The following DCAF1 variants were observed in gnomAD, a reference collection of about 807,000 sequenced individuals.
DCAF1 encodes the protein DDB1 and CUL4 associated factor 1.
A neutral mutation model predicts 128.0 loss-of-function variants in DCAF1; 15 were observed. That is an observed-to-expected ratio of 0.12 (90% CI 0.08 to 0.18). DCAF1 has a LOEUF of 0.18. DCAF1 is among the 10% of genes least tolerant of loss of function. The pLI is 1.00. For synonymous variants in DCAF1, 610 were observed against 603.0 expected (o/e 1.01, Z -0.17); for missense variants, 988 against 1,649.5 (o/e 0.60, Z 6.95).
intron 13 of DCAF1, among the ~76,000 whole-genome samples, chr3:51,425,720 A>G (rs1310034791): frequency 6.6e-6 from 1 of 151,264 alleles, no homozygotes; most frequent in African/African-American, 2.4e-5. Flanking sequence ...GCGGCAACAC[A>G]CCAGGCTAAT....
chr3:51,412,333 T>C (rs1698505222), intron 23 of DCAF1, 46 bp downstream of exon 23: 1 of 1,611,466 alleles, frequency 6.2e-7, no homozygotes, highest in African/African-American at 1.3e-5. Flanking sequence ...GAGCATAACC[T>C]CTATTAAGCA....
At chr3:51,454,975 C>A (rs1553642498) in intron 6 of DCAF1, among the ~76,000 whole-genome samples, 2 of 152,044 alleles carry the variant, frequency 1.3e-5, no homozygotes. Flanking sequence ...GCCCGGCCTA[C>A]CCAGCCCCTA....
chr3:51,474,842 T>C (rs1705239324), intron 3 of DCAF1, among the ~76,000 whole-genome samples: 1 of 148,090 alleles, frequency 6.8e-6, no homozygotes, highest in Non-Finnish European at 1.5e-5. Context: ...TGGAGTACAG[T>C]GGCGCAATCT....
At chr3:51,410,109 T>C (rs782681269) in intron 23 of DCAF1, among the ~76,000 whole-genome samples, 12 of 152,220 alleles carry the variant, frequency 7.9e-5, no homozygotes, top group Non-Finnish European at 1.6e-4. Context: ...CTTTCTACAC[T>C]AGCAGATCCT....
Position 51,443,907 on chromosome 3 carries a change from T to G in DCAF1, c.376-4A>C. 6.3e-7 allele frequency: 1 copy of G among 1,586,790 alleles called. No homozygotes were observed. The highest frequency in any genetic ancestry group is 1.9e-5 in the Admixed American group (1 of 51,342). On this transcript the variant is annotated splice_polypyrimidine_tract_variant and splice_region_variant and intron_variant, in intron 6 of 24. Transcript: ENST00000684031. ...AAAGATTCTCGACAATTCCCTCCTA[T>G]AGTAAAGGAAATTAAATAGTACATT...
chr3:51,453,153 A>G (rs1407273685), intron 6 of DCAF1, among the ~76,000 whole-genome samples: 1 of 152,204 alleles, frequency 6.6e-6, no homozygotes, highest in Non-Finnish European at 1.5e-5. Context: ...CTAGTCTCAC[A>G]CGGGTTGCTA....
chr3:51,424,964 T>C (rs1288723846), intron 13 of DCAF1, among the ~76,000 whole-genome samples: 1 of 152,098 alleles, frequency 6.6e-6, no homozygotes, highest in Non-Finnish European at 1.5e-5. Context: ...GTTAAACTAT[T>C]CTCTGTGCCT....
At position 51,494,170 on chromosome 3, in the gene DCAF1, A is replaced by T. The variant is rs554558951; in HGVS notation, c.-9+2564T>A. 2.5e-4 allele frequency among the ~76,000 whole-genome samples: 35 copies of T among 142,106 alleles called. No homozygotes were observed. The South Asian group carries it at 7.2e-3, about 29-fold the overall frequency. The allele number at this position is 142,106 out of a possible 152,430, so 93.2% of individuals were successfully genotyped here. A position where few individuals can be genotyped will look rare whatever the true frequency, so the allele number is the denominator to read the frequency against. On this transcript the variant is annotated intron_variant, in intron 2 of 24. Transcript: ENST00000684031. ...CTCTGTCGCCCAGAGACTGGAGTGC[A>T]GTGGCAGGATCTCGGCTCACTGCAA...
At chr3:51,488,942 G>A (rs554695176) in intron 2 of DCAF1, among the ~76,000 whole-genome samples, 7 of 152,268 alleles carry the variant, frequency 4.6e-5, no homozygotes, top group African/African-American at 9.6e-5. Context: ...TCCAGTCTGC[G>A]CGACAGGGCG....
At chr3:51,437,266 C>CAAAAAAAAAAAAA (rs71633071) in intron 9 of DCAF1, 20 of 256,584 alleles carry the variant, frequency 7.8e-5, no homozygotes, top group South Asian at 1.5e-4. Context: ...GACTCCATGT[C>CAAAAAAAAAAAAA]AAAAAAAAAA....
chr3:51,440,179 T>C (rs781916185), intron 9 of DCAF1: 4 of 509,760 alleles, frequency 7.8e-6, no homozygotes, highest in Admixed American at 2.1e-5. Context: ...TCTGTAGAGA[T>C]AGTAAGCCTC....
chr3:51,443,747 A>T lies in DCAF1; in HGVS notation c.513+19T>A. 2 of 1,578,136 alleles carry T rather than the reference A, an allele frequency of 1.3e-6. No individual in the cohort carries two copies. Among genetic ancestry groups the T allele is most frequent in the Non-Finnish European group, 1.7e-6 (2 of 1,169,674 alleles). ...ACTCTCCCATTTTATATAAAAATTT[A>T]TTCTAACACAGTCCTTACCAGCTGT... On this transcript the variant is annotated intron_variant, in intron 7 of 24. Coordinates refer to ENST00000684031, the MANE Select transcript of DCAF1 (RefSeq NM_001387579.1).
At chr3:51,412,344 C>A (rs561718640) in intron 23 of DCAF1, 35 bp downstream of exon 23, 1 of 1,613,088 alleles carries the variant, frequency 6.2e-7, no homozygotes, top group South Asian at 1.1e-5. Flanking sequence ...CTATTAAGCA[C>A]TGTTCAGCAG....
At chr3:51,470,824 C>A in intron 4 of DCAF1, 105 bp downstream of exon 4, 1 of 701,740 alleles carries the variant, frequency 1.4e-6, no homozygotes, top group Non-Finnish European at 2.2e-6. Flanking sequence ...AAAATTTTCC[C>A]ATAAGCAATT....
In DCAF1 at chr3:51,436,647, T is replaced by A. The variant is rs140921437; in HGVS notation, c.1129-3383A>T. Among the ~76,000 whole-genome samples the A allele has an allele frequency of 2.4e-4, 36 of 152,338 alleles. No homozygotes were observed. In the East Asian group the frequency reaches 6.2e-3, roughly 26 times the overall value. Reference sequence around the variant, plus strand: ...ATAAAGGATCTGTGTAGTTTGAACGTATTTTAATAACTTCAGTATACTTTA... The same window carrying A: ...ATAAAGGATCTGTGTAGTTTGAACGAATTTTAATAACTTCAGTATACTTTA... On this transcript the variant is annotated intron_variant, in intron 9 of 24. Transcript: ENST00000684031.
chr3:51,483,680 G>T lies in DCAF1; in HGVS notation c.110+39C>A. On this transcript the variant is annotated intron_variant, in intron 3 of 24. Transcript: ENST00000684031. ...ATCTAGCGTATGAGTTGTGTCCGAG[G>T]TTTTTTATTAAACTAGGTTTTAAAA... is the stretch of plus-strand genomic sequence containing the variant. 5.2e-6 allele frequency: 7 copies of T among 1,340,912 alleles called. No homozygotes were observed. In the East Asian group the frequency reaches 7.2e-5, roughly 14 times the overall value. The allele number at this position is 1,340,912 out of a possible 1,614,324, so 83.1% of individuals were successfully genotyped here. A position where few individuals can be genotyped will look rare whatever the true frequency, so the allele number is the denominator to read the frequency against.
intron 18 of DCAF1, among the ~76,000 whole-genome samples, chr3:51,415,700 G>A (rs1320989083): frequency 6.6e-6 from 1 of 151,990 alleles, no homozygotes; most frequent in Non-Finnish European, 1.5e-5. Context: ...CAACCCTCCC[G>A]TCTCAGCTTC....
At chr3:51,399,559 C>CACGG (rs1398212845) in intron 24 of DCAF1, among the ~76,000 whole-genome samples, 5 of 152,142 alleles carry the variant, frequency 3.3e-5, no homozygotes, top group Non-Finnish European at 7.3e-5. Flanking sequence ...TCTGGCAGCA[C>CACGG]ACGGACACAT....
chr3:51,470,878 A>G, intron 4 of DCAF1, 51 bp downstream of exon 4: 1 of 1,343,548 alleles, frequency 7.4e-7, no homozygotes, highest in Non-Finnish European at 1.0e-6. Context: ...CTTTAATAAA[A>G]GTGTCTTAAA....
Sources: allele counts gnomAD v4.1 joint callset (sites outside exome capture counted in the v4.1 genomes callset), GRCh38; gene constraint gnomAD v4.1.1; transcripts MANE v1.5; gene names NCBI Gene and HGNC (gene_info 2026-07-23, HGNC 2026-07-21).